Variants in MARCKS observed in about 807,000 individuals in gnomAD.
MARCKS encodes myristoylated alanine-rich C-kinase substrate.
Under a neutral mutation model 6.3 loss-of-function variants are expected in MARCKS, and 4 were observed. That is an observed-to-expected ratio of 0.63 (90% CI 0.31 to 1.45). The LOEUF (loss-of-function observed/expected upper bound fraction) is 1.45. Ranked by LOEUF, MARCKS falls within the 40% of genes most tolerant of loss-of-function variation. The pLI is 0.07. For missense variants in MARCKS, 636 were observed against 485.7 expected, an observed-to-expected ratio of 1.31 and a Z score of -2.91; for synonymous variants, 289 against 236.5, an observed-to-expected ratio of 1.22 and a Z score of -2.04.
chr6:113,863,311 A>G lies in MARCKS; in HGVS notation c.*2732A>G, dbSNP rs1476282577. ...TAAAAATAGCTTTGAGATTAAGGAA[A>G]AATAAATAACTCTTGTACAGTTCAG... On this transcript the variant is annotated 3_prime_UTR_variant, in exon 2 of 2. Transcript: ENST00000612661. 6.6e-6 allele frequency: 1 copy of G among 152,152 alleles called. No homozygotes were observed. 9.4% of individuals were successfully genotyped at this position (152,152 alleles called of 1,614,324 possible).
intron 1 of MARCKS, 46 bp from the exon 2 acceptor site, chr6:113,859,637 G>T: frequency 7.0e-7 from 1 of 1,428,284 alleles, no homozygotes; most frequent in Non-Finnish European, 9.2e-7. Context: ...GGGAATGGCG[G>T]CGCCCCGGCC....
rs368150133 is a variant in MARCKS at position 113,857,720 on chromosome 6, T to A, written c.-26T>A. ...TCTTTGTTTCCCCTCTTGGATCTGT[T>A]GAGTTTCTTTGTTGAAGAAGCCAGC... On this transcript the variant is annotated 5_prime_UTR_variant, in exon 1 of 2. Transcript: ENST00000612661. 1 of 1,557,964 alleles carries A rather than the reference T, an allele frequency of 6.4e-7. No homozygotes were observed. The highest frequency in any genetic ancestry group is 8.7e-7 in the Non-Finnish European group (1 of 1,143,586).
chr6:113,860,351 C>A lies in MARCKS; in HGVS notation c.771C>A (p.Ala257=). 7.7e-7 allele frequency: 1 copy of A among 1,302,774 alleles called. No homozygotes were observed. The highest frequency in any genetic ancestry group is 1.0e-6 in the Non-Finnish European group (1 of 999,772). 80.7% of individuals were successfully genotyped at this position (1,302,774 alleles called of 1,614,324 possible). A position where few individuals can be genotyped will look rare whatever the true frequency, so the allele number is the denominator to read the frequency against. ...EKPPASDETK[A]AEEPSKVEEK... is the part of the protein sequence containing the mutation. The stretch of plus-strand genomic sequence containing the variant: ...CGCCCGCCAGCGACGAGACCAAGGC[C>A]GCCGAGGAGCCCAGCAAGGTGGAGG... The change falls in exon 2 of 2, where the codon GCC becomes GCA. Residue 257 remains alanine (A), a synonymous_variant. Coordinates refer to ENST00000612661, the MANE Select transcript of MARCKS (RefSeq NM_002356.7).
chr6:113,858,456 G>A (rs2114519918), intron 1 of MARCKS, among the ~76,000 whole-genome samples: 1 of 152,336 alleles, frequency 6.6e-6, no homozygotes, highest in Non-Finnish European at 1.5e-5. Context: ...TTTATTCGTA[G>A]CTGTCTGTGG....
Position 113,859,875 on chromosome 6 carries a change from G to T in MARCKS, c.295G>T (p.Gly99Trp). 7.3e-7 allele frequency: 1 copy of T among 1,376,886 alleles called. No homozygotes were observed. Among genetic ancestry groups the T allele is most frequent in the South Asian group, 1.5e-5 (1 of 66,298 alleles). 85.3% of individuals were successfully genotyped at this position (1,376,886 alleles called of 1,614,324 possible). ...GGCCGCCGCCGCTGCCCCCGAGGCCGGGGCCAGCCCGGTAGAGAAGGAGGC... is the reference window on the plus strand; with the variant it reads ...GGCCGCCGCCGCTGCCCCCGAGGCCTGGGCCAGCCCGGTAGAGAAGGAGGC... ...EPAAAAAPEA[G>W]ASPVEKEAPA... The change falls in exon 2 of 2, where the codon GGG becomes TGG. Residue 99 changes from glycine to tryptophan, a missense_variant. Transcript: ENST00000612661.
chr6:113,861,071 TGTC>T lies in MARCKS; in HGVS notation c.*493_*495del, dbSNP rs1309527791. 19 of 93,034 alleles carry T rather than the reference TGTC, an allele frequency of 2.0e-4. No homozygotes were observed. Among genetic ancestry groups the T allele is most frequent in the Middle Eastern group, 5.0e-3 (1 of 200 alleles). 5.8% of individuals were successfully genotyped at this position (93,034 alleles called of 1,614,324 possible). A position where few individuals can be genotyped will look rare whatever the true frequency, so the allele number is the denominator to read the frequency against. On this transcript the variant is annotated 3_prime_UTR_variant, in exon 2 of 2. Transcript: ENST00000612661. ...GTGCCACTAGAAATGGTGTAAAGGCTGTCTTTTTTTTTTTTTTAAAAGAAAAGT... is the reference window on the plus strand; with the variant it reads ...GTGCCACTAGAAATGGTGTAAAGGCTTTTTTTTTTTTTTTAAAAGAAAAGT...
chr6:113,860,698 C>A lies in MARCKS; in HGVS notation c.*119C>A. 2 of 685,372 alleles carry A rather than the reference C, an allele frequency of 2.9e-6. No individual in the cohort carries two copies. The highest frequency in any genetic ancestry group is 1.9e-5 in the African/African-American group (1 of 52,098). 42.5% of individuals were successfully genotyped at this position (685,372 alleles called of 1,614,324 possible). A position where few individuals can be genotyped will look rare whatever the true frequency, so the allele number is the denominator to read the frequency against. ...AACCAGGGATTGATTTTAAAGATGT[C>A]TTTTTTTATTTTACTTTTTTTTAAG... On this transcript the variant is annotated 3_prime_UTR_variant, in exon 2 of 2. Coordinates refer to ENST00000612661, the MANE Select transcript of MARCKS (RefSeq NM_002356.7).
chr6:113,857,926 G>C (rs1774813377), intron 1 of MARCKS, 79 bp downstream of exon 1: 2 of 1,148,738 alleles, frequency 1.7e-6, no homozygotes, highest in Middle Eastern at 2.6e-4. Flanking sequence ...AGGCTCATTC[G>C]TGGAGAGGAG....
Position 113,860,694 on chromosome 6 carries a change from A to T in MARCKS, c.*115A>T. 2.8e-6 allele frequency: 2 copies of T among 714,238 alleles called. No individual in the cohort carries two copies. The highest frequency in any genetic ancestry group is 3.3e-5 in the South Asian group (1 of 30,424). The allele number at this position is 714,238 out of a possible 1,614,324, so 44.2% of individuals were successfully genotyped here. On this transcript the variant is annotated 3_prime_UTR_variant, in exon 2 of 2. Transcript: ENST00000612661. ...CTACAACCAGGGATTGATTTTAAAG[A>T]TGTCTTTTTTTATTTTACTTTTTTT...
In MARCKS at chr6:113,860,232, C is replaced by CCGGGCGAGGAGGCGGCAG. The variant is rs1325571001; in HGVS notation, c.665_682dup (p.Ala222_Glu227dup). ...GGCCTCCGGGGAGCAGGCAGCGGCG[C>CCGGGCGAGGAGGCGGCAG]CGGGCGAGGAGGCGGCAGCGGGCGA... On this transcript the variant is annotated inframe_insertion, in exon 2 of 2. Transcript: ENST00000612661. 27 of 1,074,272 alleles carry CCGGGCGAGGAGGCGGCAG rather than the reference C, an allele frequency of 2.5e-5. No homozygotes were observed. Among genetic ancestry groups the CCGGGCGAGGAGGCGGCAG allele is most frequent in the Middle Eastern group, 4.3e-4 (1 of 2,314 alleles). 66.5% of individuals were successfully genotyped at this position (1,074,272 alleles called of 1,614,324 possible).
Position 113,860,201 on chromosome 6 carries a change from G to T in MARCKS, c.621G>T (p.Ala207=). The T allele has an allele frequency of 8.9e-7, 1 of 1,128,118 alleles. No individual in the cohort carries two copies. The highest frequency in any genetic ancestry group is 1.1e-6 in the Non-Finnish European group (1 of 917,478). 69.9% of individuals were successfully genotyped at this position (1,128,118 alleles called of 1,614,324 possible). Residue 207 remains alanine, a synonymous_variant, in exon 2 of 2, where the codon GCG becomes GCT. Transcript: ENST00000612661. ...GCGCAGCTGCGGCCGCCGCCGAGGC[G>T]GGCGCGGCCTCCGGGGAGCAGGCAG... is the stretch of plus-strand genomic sequence containing the variant. The part of the protein sequence containing the change: ...AGGAAAAAAE[A]GAASGEQAAA...
Position 113,859,914 on chromosome 6 carries a change from G to T in MARCKS, c.334G>T (p.Glu112Ter). 1 of 1,456,400 alleles carries T rather than the reference G, an allele frequency of 6.9e-7. No individual in the cohort carries two copies. Among genetic ancestry groups the T allele is most frequent in the Non-Finnish European group, 9.0e-7 (1 of 1,107,948 alleles). 90.2% of individuals were successfully genotyped at this position (1,456,400 alleles called of 1,614,324 possible). A position where few individuals can be genotyped will look rare whatever the true frequency, so the allele number is the denominator to read the frequency against. Reference protein sequence around the residue: ...PVEKEAPAEGEAAEPGSPTAA... With the variant: ...PVEKEAPAEG The stretch of plus-strand genomic sequence containing the variant: ...AGAGAAGGAGGCCCCCGCGGAAGGC[G>T]AGGCTGCCGAGCCCGGCTCGCCCAC... The change falls in exon 2 of 2, where the codon GAG becomes TAG. Residue 112 changes from glutamate to a stop codon, truncating the protein, a stop_gained. Coordinates refer to ENST00000612661, the MANE Select transcript of MARCKS (RefSeq NM_002356.7). LOFTEE classifies it low-confidence loss of function (END_TRUNC).
Position 113,857,685 on chromosome 6 carries a change from A to C in MARCKS, c.-61A>C. The C allele has an allele frequency of 8.0e-7, 1 of 1,256,122 alleles. No homozygotes were observed. Among genetic ancestry groups the C allele is most frequent in the Non-Finnish European group, 1.1e-6 (1 of 932,940 alleles). The allele number at this position is 1,256,122 out of a possible 1,614,324, so 77.8% of individuals were successfully genotyped here. On this transcript the variant is annotated 5_prime_UTR_variant, in exon 1 of 2. Coordinates refer to ENST00000612661, the MANE Select transcript of MARCKS (RefSeq NM_002356.7). ...CTGCTGCTCGCCCCGTCGTTACACC[A>C]ACCCGAGGCTCTTTGTTTCCCCTCT...
chr6:113,860,003 G>A lies in MARCKS; in HGVS notation c.423G>A (p.Gly141=). Residue 141 remains glycine, a synonymous_variant, in exon 2 of 2, where the codon GGG becomes GGA. Transcript: ENST00000612661. ...CTTCTTCGCCCAAGGCCGAGGACGG[G>A]GCCACGCCCTCGCCCAGCAACGAGA... ...SSTSSPKAED[G]ATPSPSNETP... The A allele has an allele frequency of 3.2e-6, 5 of 1,566,114 alleles. No homozygotes were observed. Among genetic ancestry groups the A allele is most frequent in the South Asian group, 2.3e-5 (2 of 88,646 alleles).
In MARCKS at chr6:113,857,932, A is replaced by C. The variant is rs1025449887; in HGVS notation, c.102+85A>C. 6 of 1,134,794 alleles carry C rather than the reference A, an allele frequency of 5.3e-6. No individual in the cohort carries two copies. The African/African-American group carries it at 9.2e-5, about 17-fold the overall frequency. 70.3% of individuals were successfully genotyped at this position (1,134,794 alleles called of 1,614,324 possible). Reference sequence around the variant, plus strand: ...TGGCTCCCAAGGCTCATTCGTGGAGAGGAGTGTGGCTGGATTCTAGTCTGA... The same window carrying C: ...TGGCTCCCAAGGCTCATTCGTGGAGCGGAGTGTGGCTGGATTCTAGTCTGA... On this transcript the variant is annotated intron_variant, in intron 1 of 1. Transcript: ENST00000612661.
Position 113,862,983 on chromosome 6 carries a change from G to A in MARCKS, c.*2404G>A, listed in dbSNP as rs1774926140. ...AGTTACCTAGATGGCCAAGTACAGT[G>A]CCTGGTATGTAGTAAGACTCAGTAA... On this transcript the variant is annotated 3_prime_UTR_variant, in exon 2 of 2. Coordinates refer to ENST00000612661, the MANE Select transcript of MARCKS (RefSeq NM_002356.7). The A allele has an allele frequency of 6.6e-6, 1 of 152,152 alleles. No homozygotes were observed. Among genetic ancestry groups the A allele is most frequent in the Non-Finnish European group, 1.5e-5 (1 of 68,002 alleles). The allele number at this position is 152,152 out of a possible 1,614,324, so 9.4% of individuals were successfully genotyped here. A position where few individuals can be genotyped will look rare whatever the true frequency, so the allele number is the denominator to read the frequency against.
In MARCKS at chr6:113,863,140, T is replaced by G. The variant is rs1177807261; in HGVS notation, c.*2561T>G. On this transcript the variant is annotated 3_prime_UTR_variant, in exon 2 of 2. Transcript: ENST00000612661. The stretch of plus-strand genomic sequence containing the variant: ...GATGCATTATTTTGATTTTATTCAC[T>G]GCCTAAAACACTTTGGGTGGTATTG... 6.6e-6 allele frequency: 1 copy of G among 152,216 alleles called. No individual in the cohort carries two copies. The highest frequency in any genetic ancestry group is 2.4e-5 in the African/African-American group (1 of 41,464). The allele number at this position is 152,216 out of a possible 1,614,324, so 9.4% of individuals were successfully genotyped here.
chr6:113,860,090 CT>C lies in MARCKS; in HGVS notation c.512del (p.Phe171SerfsTer198). On this transcript the variant is annotated frameshift_variant, in exon 2 of 2. Coordinates refer to ENST00000612661, the MANE Select transcript of MARCKS (RefSeq NM_002356.7). LOFTEE classifies it low-confidence loss of function (END_TRUNC). The stretch of plus-strand genomic sequence containing the variant: ...AGTCTTTCAAGCTGAGCGGCTTCTC[CT>C]TCAAGAAGAACAAGAAGGAGGCTGG... ...KKSFKLSGFS[F>X]KKNKKEAGEG... 6.4e-7 allele frequency: 1 copy of C among 1,569,836 alleles called. No individual in the cohort carries two copies. Among genetic ancestry groups the C allele is most frequent in the South Asian group, 1.1e-5 (1 of 88,412 alleles).
rs1198160508 is a variant in MARCKS, at chr6:113,862,260, T to C, written c.*1681T>C. The C allele has an allele frequency of 6.6e-6, 1 of 152,114 alleles. No homozygotes were observed. Among genetic ancestry groups the C allele is most frequent in the Non-Finnish European group, 1.5e-5 (1 of 67,956 alleles). The allele number at this position is 152,114 out of a possible 1,614,324, so 9.4% of individuals were successfully genotyped here. ...TGACCAAATGTGTTTCAAAAATTGA[T>C]GGTGTATTACCTGCTATTGTAATTG... On this transcript the variant is annotated 3_prime_UTR_variant, in exon 2 of 2. Transcript: ENST00000612661.
Sources: gnomAD v4.1 joint callset for allele counts (sites outside exome capture counted in the v4.1 genomes callset) on GRCh38, gnomAD v4.1.1 for gene constraint, MANE v1.5 for transcripts, NCBI Gene and HGNC (gene_info 2026-07-23, HGNC 2026-07-21) for gene names.